CCDC7: variants seen among roughly 807,000 people sequenced by gnomAD.
CCDC7 encodes coiled-coil domain-containing protein 7.
Under a neutral mutation model 196.9 loss-of-function variants are expected in CCDC7, and 183 were observed. The observed-to-expected ratio is 0.93, with a 90% CI of 0.82 to 1.05. CCDC7 has a LOEUF of 1.05. CCDC7 is among the 50% of genes least tolerant of loss of function. The pLI is 0.00. For missense variants in CCDC7, 1,540 were observed against 1,482.2 expected (o/e 1.04, Z -0.64); for synonymous variants, 525 against 484.6 (o/e 1.08, Z -1.10).
intron 20 of CCDC7, among the ~76,000 whole-genome samples, chr10:32,662,465 T>A (rs2071686774): frequency 6.6e-6 from 1 of 152,202 alleles, no homozygotes; most frequent in African/African-American, 2.4e-5. Context: ...AGGATAGCGC[T>A]TTTATTAGCT....
At position 32,478,617 on chromosome 10, in the gene CCDC7, T is replaced by C. The variant is rs116811040; in HGVS notation, c.796+4594T>C. Among the ~76,000 whole-genome samples the C allele has an allele frequency of 5.0e-3, 767 of 152,268 alleles. 5 individuals carry two copies. The highest frequency in any genetic ancestry group is 0.018 in the African/African-American group (731 of 41,570). On this transcript the variant is annotated intron_variant, in intron 8 of 41. Transcript: ENST00000639629. ...GCATGTAGATTACATTAATTGATTT[T>C]TGAATATTGGACTAGCCTTACGTAC...
At chr10:32,551,969 A>G (rs1207305841) in intron 13 of CCDC7, among the ~76,000 whole-genome samples, 2 of 152,088 alleles carry the variant, frequency 1.3e-5, no homozygotes, top group African/African-American at 4.8e-5. Flanking sequence ...TTCTGTCTTG[A>G]TGGCCTGTCT....
intron 28 of CCDC7, among the ~76,000 whole-genome samples, chr10:32,759,880 A>T (rs1316935401): frequency 6.6e-6 from 1 of 152,092 alleles, no homozygotes; most frequent in Admixed American, 6.5e-5. Flanking sequence ...TCTACAATGA[A>T]CTCAAACAAA....
At chr10:32,735,758 T>C (rs2084756244) in intron 28 of CCDC7, among the ~76,000 whole-genome samples, 1 of 152,216 alleles carries the variant, frequency 6.6e-6, no homozygotes, top group Admixed American at 6.5e-5. Flanking sequence ...TAAGGCCACC[T>C]ACACTTGTTC....
intron 11 of CCDC7, among the ~76,000 whole-genome samples, chr10:32,523,579 G>A (rs981352856): frequency 7.3e-5 from 11 of 151,170 alleles, no homozygotes; most frequent in Non-Finnish European, 1.3e-4. Context: ...GGGTGTTTAA[G>A]TCTCCAGCTA....
chr10:32,698,419 T>C (rs1049502777), intron 24 of CCDC7, among the ~76,000 whole-genome samples: 14 of 152,112 alleles, frequency 9.2e-5, no homozygotes, highest in African/African-American at 3.4e-4. Context: ...TAAAGGAGGA[T>C]GCTCGAACCC....
chr10:32,740,648 TCTC>T, intron 28 of CCDC7, among the ~76,000 whole-genome samples: 1 of 152,246 alleles, frequency 6.6e-6, no homozygotes, highest in East Asian at 1.9e-4. Context: ...AGAACAAACT[TCTC>T]CTAATTTTAA....
intron 28 of CCDC7, among the ~76,000 whole-genome samples, chr10:32,738,343 TAA>T (rs2085221012): frequency 6.6e-6 from 1 of 152,160 alleles, no homozygotes; most frequent in African/African-American, 2.4e-5. Flanking sequence ...TTGTCACTCA[TAA>T]GATTCCTGTC....
At chr10:32,834,543 A>G (rs987750930) in intron 32 of CCDC7, among the ~76,000 whole-genome samples, 2 of 152,092 alleles carry the variant, frequency 1.3e-5, no homozygotes, top group African/African-American at 4.8e-5. Flanking sequence ...CTATTTCTGT[A>G]TAAGTTTTAT....
chr10:32,621,462 G>A (rs1263061783), intron 18 of CCDC7, among the ~76,000 whole-genome samples: 3 of 152,184 alleles, frequency 2.0e-5, no homozygotes, highest in African/African-American at 7.2e-5. Context: ...GGATCTGTCT[G>A]TCTGTCTGTC....
chr10:32,491,318 T>C (rs1228397350), intron 8 of CCDC7, among the ~76,000 whole-genome samples: 2 of 152,226 alleles, frequency 1.3e-5, no homozygotes, highest in African/African-American at 4.8e-5. Flanking sequence ...TCTTCTGTCA[T>C]ATACTTTTTA....
chr10:32,552,617 A>T (rs575801425), intron 13 of CCDC7, among the ~76,000 whole-genome samples: 20 of 152,248 alleles, frequency 1.3e-4, no homozygotes, highest in African/African-American at 4.8e-4. Context: ...TGGCTTGGTA[A>T]TGGCGAATTC....
chr10:32,633,696 ATGTGTGTGTG>A lies in CCDC7; in HGVS notation c.1802-532_1802-523del, dbSNP rs1554928040. Among the ~76,000 whole-genome samples the A allele has an allele frequency of 2.4e-3, 325 of 135,226 alleles. 3 individuals carry two copies. The highest frequency in any genetic ancestry group is 7.5e-3 in the Middle Eastern group (2 of 266). The allele number at this position is 135,226 out of a possible 152,430, so 88.7% of individuals were successfully genotyped here. A position where few individuals can be genotyped will look rare whatever the true frequency, so the allele number is the denominator to read the frequency against. ...TTTAGCTTTGTGTATATATATATAT[ATGTGTGTGTG>A]TGTGTGTGTGTGTGTGTGTGTGTGT... On this transcript the variant is annotated intron_variant, in intron 18 of 41. Coordinates refer to ENST00000639629, the Ensembl canonical transcript of CCDC7.
At chr10:32,546,135 C>T (rs2052425933) in intron 13 of CCDC7, among the ~76,000 whole-genome samples, 1 of 152,102 alleles carries the variant, frequency 6.6e-6, no homozygotes, top group East Asian at 1.9e-4. Flanking sequence ...GCTATAACCA[C>T]TGGGGATAGA....
chr10:32,853,803 C>A (rs1273480688), intron 40 of CCDC7, among the ~76,000 whole-genome samples: 2 of 152,084 alleles, frequency 1.3e-5, no homozygotes, highest in African/African-American at 4.8e-5. Context: ...TTTAATTATT[C>A]ACATTTTTTA....
intron 41 of CCDC7, among the ~76,000 whole-genome samples, chr10:32,872,066 A>C (rs1403782596): frequency 6.6e-6 from 1 of 151,894 alleles, no homozygotes; most frequent in Non-Finnish European, 1.5e-5. Context: ...GTGGTGCTGG[A>C]AAGATTGTAT....
intron 41 of CCDC7, among the ~76,000 whole-genome samples, chr10:32,871,903 G>C (rs1051791314): frequency 6.6e-6 from 1 of 152,164 alleles, no homozygotes; most frequent in Non-Finnish European, 1.5e-5. Flanking sequence ...CCATGTCCTT[G>C]AGCGGTTTTG....
At chr10:32,845,622 C>A in exon 35 of CCDC7, 1 of 1,609,188 alleles carries the variant, frequency 6.2e-7, no homozygotes, top group Non-Finnish European at 8.5e-7. Context: ...TAAAAAGTCA[C>A]CCAGGTAAGA....
chr10:32,638,654 G>A (rs1422683980), intron 20 of CCDC7, among the ~76,000 whole-genome samples: 5 of 152,132 alleles, frequency 3.3e-5, no homozygotes, highest in Non-Finnish European at 7.4e-5. Flanking sequence ...GAGGATTTTT[G>A]CATTGATGTT....
Sources: gnomAD v4.1 joint callset for allele counts (sites outside exome capture counted in the v4.1 genomes callset) on GRCh38, gnomAD v4.1.1 for gene constraint, MANE v1.5 for transcripts, NCBI Gene and HGNC (gene_info 2026-07-23, HGNC 2026-07-21) for gene names.